Variants in DRC5 observed in about 807,000 individuals in gnomAD.
The protein encoded by DRC5 is dynein regulatory complex subunit 5.
chr6:44,287,995 A>G, the DRC5 span: 1 of 793,894 alleles, frequency 1.3e-6, no homozygotes, highest in Non-Finnish European at 1.9e-6. Flanking sequence ...GTGGTACAGA[A>G]TAGTGCTTAA....
the DRC5 span, among the ~76,000 whole-genome samples, chr6:44,289,022 A>G: frequency 8.9e-4 from 121 of 136,558 alleles, 1 homozygote; most frequent in East Asian, 4.7e-3. Flanking sequence ...AAAAAAAAAA[A>G]GAAAAACAGG....
At chr6:44,280,064 A>G in the DRC5 span, 5 of 943,870 alleles carry the variant, frequency 5.3e-6, no homozygotes, top group African/African-American at 1.6e-5. Flanking sequence ...GATCACTCCA[A>G]GGTTATTCAC....
chr6:44,289,006 A>AAAAG, the DRC5 span, among the ~76,000 whole-genome samples: 1 of 143,544 alleles, frequency 7.0e-6, no homozygotes, highest in African/African-American at 2.5e-5. Flanking sequence ...AAAAAAAAAA[A>AAAAG]AAAAAAAAAA....
the DRC5 span, chr6:44,288,029 G>C: frequency 1.8e-6 from 1 of 554,222 alleles, no homozygotes; most frequent in Non-Finnish European, 3.0e-6. Flanking sequence ...GAGTGAAGCA[G>C]ATCCAAGTTA....
the DRC5 span, among the ~76,000 whole-genome samples, chr6:44,284,412 T>C: frequency 1.3e-5 from 2 of 152,020 alleles, no homozygotes; most frequent in African/African-American, 4.8e-5. Flanking sequence ...GGCTCTCCCC[T>C]GTGAGACTCC....
At chr6:44,282,799 C>CTTTTTTTTTTTTTTTT in the DRC5 span, among the ~76,000 whole-genome samples, 1 of 105,236 alleles carries the variant, frequency 9.5e-6, no homozygotes, top group African/African-American at 3.6e-5. Flanking sequence ...CCTTTTTTAT[C>CTTTTTTTTTTTTTTTT]TTTTTTTTTT....
At chr6:44,293,306 CAAAA>C in the DRC5 span, among the ~76,000 whole-genome samples, 4,398 of 88,818 alleles carry the variant, frequency 0.05, 97 homozygotes, top group Non-Finnish European at 0.055. Flanking sequence ...ACTATCCTCT[CAAAA>C]AAAAAAAAAA....
the DRC5 span, among the ~76,000 whole-genome samples, chr6:44,293,127 C>A: frequency 6.6e-6 from 1 of 152,054 alleles, no homozygotes; most frequent in African/African-American, 2.4e-5. Context: ...TGGCCAAAGG[C>A]CCCCAGGTTA....
At chr6:44,293,444 C>G in the DRC5 span, among the ~76,000 whole-genome samples, 1 of 151,870 alleles carries the variant, frequency 6.6e-6, no homozygotes, top group African/African-American at 2.4e-5. Flanking sequence ...GAGATGCCGT[C>G]TCTAAAAAAT....
chr6:44,284,115 C>T, the DRC5 span, among the ~76,000 whole-genome samples: 2 of 152,102 alleles, frequency 1.3e-5, no homozygotes, highest in Non-Finnish European at 2.9e-5. Flanking sequence ...AAAAGCTGAT[C>T]ACAGCCACCC....
At chr6:44,286,979 G>C in the DRC5 span, among the ~76,000 whole-genome samples, 1 of 152,338 alleles carries the variant, frequency 6.6e-6, no homozygotes, top group African/African-American at 2.4e-5. Context: ...TAAGCAAACA[G>C]GGCTCTCCCT....
the DRC5 span, among the ~76,000 whole-genome samples, chr6:44,280,832 C>G: frequency 0.99 from 151,100 of 152,374 alleles, 74,932 homozygotes; most frequent in East Asian, 1. Flanking sequence ...TTGGGACTGA[C>G]AGAAGCACTA....
chr6:44,289,009 A>G, the DRC5 span, among the ~76,000 whole-genome samples: 114 of 125,210 alleles, frequency 9.1e-4, no homozygotes, highest in Middle Eastern at 3.8e-3. Context: ...AAAAAAAAAA[A>G]AAAAAAAAAA....
the DRC5 span, chr6:44,282,232 G>A: frequency 5.6e-6 from 9 of 1,614,232 alleles, no homozygotes; most frequent in East Asian, 2.2e-5. Context: ...AGCGTGGTGA[G>A]GCACTTGTTG....
the DRC5 span, among the ~76,000 whole-genome samples, chr6:44,286,939 A>G: frequency 3.9e-5 from 6 of 152,334 alleles, no homozygotes; most frequent in South Asian, 2.1e-4. Context: ...ATGAGAGACT[A>G]CTATGTCCCA....
At chr6:44,284,224 T>A in the DRC5 span, among the ~76,000 whole-genome samples, 2 of 152,092 alleles carry the variant, frequency 1.3e-5, no homozygotes, top group African/African-American at 4.8e-5. Context: ...CCATGTTCAC[T>A]AAATCCAGTC....
At chr6:44,291,676 T>TTC in the DRC5 span, among the ~76,000 whole-genome samples, 1 of 152,222 alleles carries the variant, frequency 6.6e-6, no homozygotes, top group Non-Finnish European at 1.5e-5. Flanking sequence ...TTCTGATGGG[T>TTC]TCTAGCTTTC....
chr6:44,289,440 T>C, the DRC5 span, among the ~76,000 whole-genome samples: 1 of 152,310 alleles, frequency 6.6e-6, no homozygotes, highest in African/African-American at 2.4e-5. Context: ...TGTTTTCATA[T>C]GAGGTCTTCA....
chr6:44,282,711 A>C, the DRC5 span: 12 of 621,426 alleles, frequency 1.9e-5, no homozygotes, highest in South Asian at 1.2e-4. Context: ...GTAGTGTAGA[A>C]TTGGTGGCAG....
Sources: gnomAD v4.1 joint callset for allele counts (sites outside exome capture counted in the v4.1 genomes callset) on GRCh38, gnomAD v4.1.1 for gene constraint, MANE v1.5 for transcripts, NCBI Gene and HGNC (gene_info 2026-07-23, HGNC 2026-07-21) for gene names.